Variants in PLCH1 observed in about 807,000 individuals in gnomAD.
The protein encoded by PLCH1 is phospholipase C eta 1, also known as 1-phosphatidylinositol 4,5-bisphosphate phosphodiesterase eta-1.
A neutral mutation model predicts 126.7 loss-of-function variants in PLCH1; 60 were observed. The ratio of observed to expected loss-of-function variants is 0.47; its 90% CI spans 0.38 to 0.59. The LOEUF is 0.59. Among genes scored for constraint, PLCH1 ranks in the 20% least tolerant of loss-of-function variants. PLCH1 has a pLI of 0.00. For missense variants in PLCH1, 1,723 were observed against 2,040.0 expected, an observed-to-expected ratio of 0.84 and a Z score of 2.99; for synonymous variants, 719 against 734.9, an observed-to-expected ratio of 0.98 and a Z score of 0.35.
intron 2 of PLCH1, among the ~76,000 whole-genome samples, chr3:155,641,465 A>G (rs1227506182): frequency 6.6e-6 from 1 of 152,176 alleles, no homozygotes; most frequent in Non-Finnish European, 1.5e-5. Context: ...AAAACTCAAG[A>G]TCAGCAAAAG....
At chr3:155,575,843 G>T (rs1222110865) in intron 6 of PLCH1, among the ~76,000 whole-genome samples, 1 of 151,990 alleles carries the variant, frequency 6.6e-6, no homozygotes, top group Non-Finnish European at 1.5e-5. Context: ...AAGAGAAGGG[G>T]TCTCACTATA....
chr3:155,500,166 G>C (rs1367712387), intron 14 of PLCH1, among the ~76,000 whole-genome samples: 1 of 152,008 alleles, frequency 6.6e-6, no homozygotes, highest in Non-Finnish European at 1.5e-5. Flanking sequence ...AATACTACTG[G>C]CAATAAAGCA....
chr3:155,544,827 C>T (rs1461060005), intron 10 of PLCH1, among the ~76,000 whole-genome samples: 1 of 151,608 alleles, frequency 6.6e-6, no homozygotes, highest in Non-Finnish European at 1.5e-5. Context: ...TAAAGATGTT[C>T]TTTGAAACCA....
At chr3:155,646,727 C>A (rs574367389) in intron 2 of PLCH1, among the ~76,000 whole-genome samples, 1 of 152,246 alleles carries the variant, frequency 6.6e-6, no homozygotes, top group African/African-American at 2.4e-5. Flanking sequence ...GTCTATGAAG[C>A]CCTCCTTGAA....
chr3:155,610,964 A>T (rs554062545), intron 2 of PLCH1, among the ~76,000 whole-genome samples: 1 of 152,378 alleles, frequency 6.6e-6, no homozygotes, highest in South Asian at 2.1e-4. Context: ...GCTGGTTTTA[A>T]GAGACTTACT....
Position 155,485,525 on chromosome 3 carries a change from C to T in PLCH1, c.2805G>A (p.Lys935=), listed in dbSNP as rs1403095668. The T allele has an allele frequency of 2.5e-6, 4 of 1,614,082 alleles. No individual in the cohort carries two copies. Among genetic ancestry groups the T allele is most frequent in the South Asian group, 1.1e-5 (1 of 91,090 alleles). ...CTCTTGTGGCCTCGGACACAGAATC[C>T]TTTATCTCCACCATTTCTTGGAAGC... ...KMGFQEMVEI[K]DSVSEATRDQ... The change falls in exon 22 of 23, where the codon AAG becomes AAA. Residue 935 remains lysine (K), a synonymous_variant. Transcript: ENST00000460012.
At chr3:155,636,004 C>T (rs1003792484) in intron 2 of PLCH1, among the ~76,000 whole-genome samples, 1 of 152,134 alleles carries the variant, frequency 6.6e-6, no homozygotes, top group African/African-American at 2.4e-5. Context: ...TCATCATAAA[C>T]GCATAGGTTG....
At chr3:155,458,385 A>AAGGAAG (rs1712525599) in intron 21 of PLCH1, among the ~76,000 whole-genome samples, 1 of 38,864 alleles carries the variant, frequency 2.6e-5, no homozygotes, top group Non-Finnish European at 4.4e-5. Context: ...AAAGAAAGAA[A>AAGGAAG]GAAGGAAGGA....
intron 1 of PLCH1, among the ~76,000 whole-genome samples, chr3:155,722,281 A>G (rs911638678): frequency 6.6e-6 from 1 of 151,564 alleles, no homozygotes; most frequent in African/African-American, 2.4e-5. Context: ...CTCCTGCTTT[A>G]GCCTCCTGAG....
At chr3:155,469,969 A>T (rs1713119964) in intron 21 of PLCH1, among the ~76,000 whole-genome samples, 1 of 152,214 alleles carries the variant, frequency 6.6e-6, no homozygotes, top group Admixed American at 6.5e-5. Context: ...AACCACAAAG[A>T]TAGGGAAAAA....
Position 155,494,124 on chromosome 3 carries a change from A to G in PLCH1, c.2182+17T>C. On this transcript the variant is annotated intron_variant, in intron 17 of 22. Transcript: ENST00000460012. The stretch of plus-strand genomic sequence containing the variant: ...TTAACACACACCTGCATTTATGACT[A>G]TGAAATTAATACACACCTTTGCACA... The G allele has an allele frequency of 6.3e-7, 1 of 1,579,740 alleles. No individual in the cohort carries two copies. The highest frequency in any genetic ancestry group is 8.7e-7 in the Non-Finnish European group (1 of 1,148,950).
intron 1 of PLCH1, among the ~76,000 whole-genome samples, chr3:155,743,896 G>T (rs531950823): frequency 6.6e-6 from 1 of 152,174 alleles, no homozygotes; most frequent in East Asian, 1.9e-4. Flanking sequence ...TGTTTTATTC[G>T]TCTCCCCTTT....
Position 155,549,803 on chromosome 3 carries a change from C to A in PLCH1, c.1346G>T (p.Gly449Val). ...AGTAATTACCTTCACTAGAATTTTG[C>A]CTTTCAAACTTTGAGGGCTTGGAAG... is the stretch of plus-strand genomic sequence containing the variant. Reference protein sequence around the residue: ...KQLPSPQSLKGKILVKGKKLP... With the variant: ...KQLPSPQSLKVKILVKGKKLP... Residue 449 changes from glycine to valine, a missense_variant, in exon 10 of 23, where the codon GGC (glycine) becomes GTC (valine). By Grantham distance (109) the Gly-to-Val change is moderately radical (BLOSUM62 -3). This residue lies in a region of PLCH1 where 776 missense variants were observed against 1,062.9 expected (regional missense o/e 0.73). Transcript: ENST00000460012. The A allele has an allele frequency of 6.2e-7, 1 of 1,612,522 alleles. No individual in the cohort carries two copies. Among genetic ancestry groups the A allele is most frequent in the Non-Finnish European group, 8.5e-7 (1 of 1,179,320 alleles).
intron 2 of PLCH1, among the ~76,000 whole-genome samples, chr3:155,648,837 C>A (rs374175861): frequency 4.6e-5 from 7 of 152,320 alleles, no homozygotes; most frequent in African/African-American, 1.7e-4. Flanking sequence ...ATAATCTGAG[C>A]TCTGAGGCTG....
At chr3:155,607,736 T>C (rs1734542077) in intron 2 of PLCH1, among the ~76,000 whole-genome samples, 1 of 152,338 alleles carries the variant, frequency 6.6e-6, no homozygotes, top group East Asian at 1.9e-4. Context: ...GCCTCTGTTT[T>C]ATTTAAAGAT....
In PLCH1 at chr3:155,741,684, C is replaced by CTTTTATTTTTTTTTTTTTTTTTTTTT; in HGVS notation, c.-41+3155_-41+3156insAAAAAAAAAAAAAAAAAAAAATAAAA. Among the ~76,000 whole-genome samples, 47 of 102,862 alleles carry CTTTTATTTTTTTTTTTTTTTTTTTTT rather than the reference C, an allele frequency of 4.6e-4. 1 individual carries two copies. Among genetic ancestry groups the CTTTTATTTTTTTTTTTTTTTTTTTTT allele is most frequent in the African/African-American group, 2.2e-3 (45 of 20,898 alleles). 67.5% of individuals were successfully genotyped at this position (102,862 alleles called of 152,430 possible). On this transcript the variant is annotated intron_variant, in intron 1 of 22. Coordinates refer to ENST00000460012, the MANE Select transcript of PLCH1 (RefSeq NM_014996.4). ...TCCTTTTATCATAATTTTATATCCTCTTTTTTTTTTTTTTTTTTTTGTTCA... is the reference window on the plus strand; with the variant it reads ...TCCTTTTATCATAATTTTATATCCTCTTTTATTTTTTTTTTTTTTTTTTTTTTTTTTTTTTTTTTTTTTTTTGTTCA...
intron 10 of PLCH1, among the ~76,000 whole-genome samples, chr3:155,537,280 A>T (rs1231655408): frequency 7.1e-6 from 1 of 140,874 alleles, no homozygotes; most frequent in African/African-American, 2.7e-5. Flanking sequence ...AAATACACCG[A>T]AATAAAACCT....
Position 155,564,378 on chromosome 3 carries a change from A to G in PLCH1, c.1069+537T>C, listed in dbSNP as rs563801449. Among the ~76,000 whole-genome samples the G allele has an allele frequency of 4.2e-3, 639 of 152,222 alleles. 1 individual carries two copies. The highest frequency in any genetic ancestry group is 7.1e-3 in the Admixed American group (108 of 15,296). ...AGAGATCGAGGCCATCCTGGCCAAC[A>G]TGGTGAAACCCCGTCTCTACTAAAA... On this transcript the variant is annotated intron_variant, in intron 8 of 22. Coordinates refer to ENST00000460012, the MANE Select transcript of PLCH1 (RefSeq NM_014996.4).
chr3:155,716,704 C>T (rs551506147), intron 1 of PLCH1, among the ~76,000 whole-genome samples: 1 of 152,284 alleles, frequency 6.6e-6, no homozygotes, highest in Non-Finnish European at 1.5e-5. Context: ...CAAACACCTC[C>T]CACCAGGCCC....
Sources: gnomAD v4.1 joint callset for allele counts (sites outside exome capture counted in the v4.1 genomes callset) on GRCh38, gnomAD v4.1.1 for gene constraint, gnomAD v4.1.1 regional missense constraint, MANE v1.5 for transcripts, NCBI Gene and HGNC (gene_info 2026-07-23, HGNC 2026-07-21) for gene names.